Variants in COL25A1 observed in about 807,000 individuals in gnomAD.
COL25A1 encodes collagen alpha-1(XXV) chain.
A neutral mutation model predicts 128.4 loss-of-function variants in COL25A1; 103 were observed. That is an observed-to-expected ratio of 0.80 (90% CI 0.68 to 0.94). The LOEUF is 0.94. COL25A1 is among the 40% of genes least tolerant of loss of function. COL25A1 has a pLI of 0.00. For synonymous variants in COL25A1, 279 were observed against 277.2 expected, an observed-to-expected ratio of 1.01 and a Z score of -0.06; for missense variants, 745 against 840.0, an observed-to-expected ratio of 0.89 and a Z score of 1.40.
At chr4:109,001,397 G>GGCATCTGAGATCCTGTCAGGTAA (rs1755375218) in intron 6 of COL25A1, among the ~76,000 whole-genome samples, 1 of 152,280 alleles carries the variant, frequency 6.6e-6, no homozygotes. Flanking sequence ...CTGTCAGGTA[G>GGCATCTGAGATCCTGTCAGGTAA]GCATCTGAGA....
chr4:108,961,537 C>G (rs1750676644), intron 8 of COL25A1, among the ~76,000 whole-genome samples: 1 of 137,186 alleles, frequency 7.3e-6, no homozygotes, highest in Non-Finnish European at 1.6e-5. Context: ...GCATATGCAA[C>G]TTCAAACTAA....
At chr4:108,903,041 C>A (rs1008995103) in intron 13 of COL25A1, among the ~76,000 whole-genome samples, 1 of 151,818 alleles carries the variant, frequency 6.6e-6, no homozygotes, top group Non-Finnish European at 1.5e-5. Context: ...CAAAGAATAA[C>A]CATGGTAGCC....
intron 32 of COL25A1, 68 bp from the exon 33 acceptor site, chr4:108,827,256 C>A (rs576837530): frequency 6.0e-6 from 8 of 1,323,880 alleles, no homozygotes; most frequent in African/African-American, 5.8e-5. Flanking sequence ...CTCTCATGCC[C>A]TATGTCTAAA....
At chr4:108,877,664 T>TA (rs888604785) in intron 19 of COL25A1, among the ~76,000 whole-genome samples, 173 of 137,954 alleles carry the variant, frequency 1.3e-3, no homozygotes, top group Middle Eastern at 3.8e-3. Flanking sequence ...AACTAACAAA[T>TA]AAAAAAAAAA....
At chr4:108,856,082 G>T (rs1578557744) in intron 24 of COL25A1, among the ~76,000 whole-genome samples, 1 of 152,118 alleles carries the variant, frequency 6.6e-6, no homozygotes, top group East Asian at 1.9e-4. Context: ...AGCCTGCTTT[G>T]TGATTTATTC....
chr4:109,297,141 T>C (rs1361270417), intron 3 of COL25A1, among the ~76,000 whole-genome samples: 1 of 152,110 alleles, frequency 6.6e-6, no homozygotes, highest in Non-Finnish European at 1.5e-5. Context: ...TCATTTTGGG[T>C]TTCTTTAAAC....
chr4:108,926,407 G>T (rs571884343), intron 11 of COL25A1, among the ~76,000 whole-genome samples: 1 of 152,222 alleles, frequency 6.6e-6, no homozygotes, highest in Non-Finnish European at 1.5e-5. Flanking sequence ...TCTGTGAAGG[G>T]GAGGATAAAA....
At chr4:108,874,231 A>G (rs2125819452) in intron 19 of COL25A1, among the ~76,000 whole-genome samples, 1 of 152,306 alleles carries the variant, frequency 6.6e-6, no homozygotes, top group East Asian at 1.9e-4. Context: ...AGCTTACATA[A>G]GTTTTCATGG....
rs571972448 is a variant in COL25A1, at chr4:109,091,683, T to C, written c.368-41504A>G. On this transcript the variant is annotated intron_variant, in intron 3 of 37. Coordinates refer to ENST00000399132, the MANE Select transcript of COL25A1 (RefSeq NM_198721.4). ...TCCAAGACAGTTCTTCCCTTTCTGC[T>C]TACTAGTAAAATAGTGGCTCAGATA... 2.6e-5 allele frequency among the ~76,000 whole-genome samples: 4 copies of C among 152,140 alleles called. No individual in the cohort carries two copies. The East Asian group carries it at 7.7e-4, about 29-fold the overall frequency.
At chr4:109,282,622 T>C (rs910011705) in intron 3 of COL25A1, among the ~76,000 whole-genome samples, 3 of 152,232 alleles carry the variant, frequency 2.0e-5, no homozygotes, top group Admixed American at 6.5e-5. Flanking sequence ...TCATTTATAC[T>C]ATGGTTATAT....
chr4:108,854,234 T>C (rs953434407), intron 24 of COL25A1, among the ~76,000 whole-genome samples: 2 of 152,038 alleles, frequency 1.3e-5, no homozygotes, highest in African/African-American at 4.8e-5. Flanking sequence ...GGATTAAAGA[T>C]TTAAATGTAA....
At chr4:109,116,138 A>G (rs904244709) in intron 3 of COL25A1, among the ~76,000 whole-genome samples, 22 of 152,048 alleles carry the variant, frequency 1.4e-4, no homozygotes, top group African/African-American at 5.3e-4. Context: ...TGAGAATCAA[A>G]AACTCCAGAG....
chr4:109,182,718 T>A (rs1410266456), intron 3 of COL25A1, among the ~76,000 whole-genome samples: 2 of 152,060 alleles, frequency 1.3e-5, no homozygotes, highest in Non-Finnish European at 2.9e-5. Context: ...TGACAGACAT[T>A]TAACATTCCC....
intron 13 of COL25A1, among the ~76,000 whole-genome samples, chr4:108,910,205 T>A (rs1004744215): frequency 1.1e-4 from 16 of 152,216 alleles, no homozygotes; most frequent in African/African-American, 3.6e-4. Flanking sequence ...TGTGTATAGT[T>A]TGAATGATAA....
At chr4:108,935,505 C>T (rs1747290440) in intron 11 of COL25A1, among the ~76,000 whole-genome samples, 1 of 152,094 alleles carries the variant, frequency 6.6e-6, no homozygotes, top group South Asian at 2.1e-4. Context: ...TTTTTAAATG[C>T]CATTTAGATC....
intron 3 of COL25A1, among the ~76,000 whole-genome samples, chr4:109,163,651 T>C (rs1374024952): frequency 6.6e-6 from 1 of 152,154 alleles, no homozygotes. Flanking sequence ...AGGTTTTACT[T>C]CTTTGGCAGG....
At chr4:108,905,338 GAAT>G (rs923547532) in intron 13 of COL25A1, among the ~76,000 whole-genome samples, 4 of 150,536 alleles carry the variant, frequency 2.7e-5, no homozygotes, top group African/African-American at 7.3e-5. Context: ...CTAAAAATGT[GAAT>G]ATTATTATTC....
intron 19 of COL25A1, among the ~76,000 whole-genome samples, chr4:108,878,727 C>G (rs1368062097): frequency 6.6e-6 from 1 of 151,948 alleles, no homozygotes; most frequent in Non-Finnish European, 1.5e-5. Flanking sequence ...GAAAACATAC[C>G]TTTCTGACTT....
At chr4:109,055,975 T>G (rs1713982909) in intron 3 of COL25A1, among the ~76,000 whole-genome samples, 2 of 152,246 alleles carry the variant, frequency 1.3e-5, no homozygotes, top group African/African-American at 4.8e-5. Flanking sequence ...ATGTGTTTAT[T>G]TTTGTTTCAA....
Sources: allele counts gnomAD v4.1 joint callset (sites outside exome capture counted in the v4.1 genomes callset), GRCh38; gene constraint gnomAD v4.1.1; transcripts MANE v1.5; gene names NCBI Gene and HGNC (gene_info 2026-07-23, HGNC 2026-07-21).